C6: variants seen among roughly 807,000 people sequenced by gnomAD.
The protein encoded by C6 is complement component C6.
In C6, 101 loss-of-function variants were observed where a neutral mutation model predicts 112.9. The ratio of observed to expected loss-of-function variants is 0.89; its 90% confidence interval spans 0.76 to 1.06. The LOEUF is 1.06. Among genes scored for constraint, C6 ranks in the 50% least tolerant of loss-of-function variants. C6 has a pLI of 0.00. For missense variants in C6, 1,202 were observed against 1,104.6 expected (o/e 1.09, Z -1.25); for synonymous variants, 431 against 384.1 (o/e 1.12, Z -1.43).
chr5:41,240,123 C>G (rs1017167876), intron 1 of C6, among the ~76,000 whole-genome samples: 3 of 152,130 alleles, frequency 2.0e-5, no homozygotes, highest in African/African-American at 7.2e-5. Flanking sequence ...AAATCTCTTG[C>G]TAGGCTTGAA....
At chr5:41,244,959 T>G (rs779104332) in intron 1 of C6, among the ~76,000 whole-genome samples, 42 of 152,248 alleles carry the variant, frequency 2.8e-4, no homozygotes, top group Non-Finnish European at 5.7e-4. Context: ...TGTTGATTGA[T>G]TTTTTAATGT....
chr5:41,187,851 AC>A (rs528663877), intron 5 of C6, among the ~76,000 whole-genome samples: 223 of 152,228 alleles, frequency 1.5e-3, no homozygotes, highest in African/African-American at 5.1e-3. Context: ...AACAATACAT[AC>A]TATCTCTCCC....
At chr5:41,173,049 C>T (rs1183129605) in intron 8 of C6, among the ~76,000 whole-genome samples, 1 of 152,106 alleles carries the variant, frequency 6.6e-6, no homozygotes, top group African/African-American at 2.4e-5. Context: ...CATGTTAATT[C>T]AAGCCTGTAC....
In C6 at chr5:41,143,005, G is replaced by A. The variant is rs570299746; in HGVS notation, c.2625C>T (p.Ala875=). Residue 875 remains alanine (A), a splice_region_variant and synonymous_variant, in exon 18 of 18, where the codon GCC becomes GCT. Coordinates refer to ENST00000337836, the MANE Select transcript of C6 (RefSeq NM_000065.5). ...ATAGGCAGACACATTTGGAAGTGGA[G>A]GCTGTAATGAGAGAGAGAGAGACAG... ...DTCYDWEKCS[A]STSKCVCLLP... is the part of the protein sequence containing the mutation. 2 of 1,613,070 alleles carry A rather than the reference G, an allele frequency of 1.2e-6. No homozygotes were observed. The highest frequency in any genetic ancestry group is 2.2e-5 in the East Asian group (1 of 44,864).
intron 1 of C6, among the ~76,000 whole-genome samples, chr5:41,256,428 TTAAAAAAAAAAAAGTAAA>T (rs1186585529): frequency 8.4e-5 from 3 of 35,902 alleles, no homozygotes; most frequent in African/African-American, 1.7e-4. Flanking sequence ...TAAAGTATAA[TTAAAAAAAAAAAAGTAAA>T]AAAAAAAAAA....
intron 1 of C6, among the ~76,000 whole-genome samples, chr5:41,255,159 A>C (rs183561490): frequency 6.6e-6 from 1 of 152,092 alleles, no homozygotes; most frequent in Non-Finnish European, 1.5e-5. Context: ...GCAGGAGTTC[A>C]AGACCAGCCT....
chr5:41,194,624 A>G (rs1308456450), intron 5 of C6, among the ~76,000 whole-genome samples: 2 of 152,212 alleles, frequency 1.3e-5, no homozygotes, highest in Non-Finnish European at 2.9e-5. Flanking sequence ...AATATGAAGC[A>G]ATAGAAATTG....
At chr5:41,176,377 A>G in intron 8 of C6, 98 bp downstream of exon 8, 1 of 1,248,208 alleles carries the variant, frequency 8.0e-7, no homozygotes, top group Non-Finnish European at 1.1e-6. Flanking sequence ...CAGGATCTAA[A>G]TAAAGTCAAA....
chr5:41,217,477 C>T (rs917226127), upstream of C6, among the ~76,000 whole-genome samples: 1 of 152,096 alleles, frequency 6.6e-6, no homozygotes, highest in African/African-American at 2.4e-5. Context: ...TACAAATGTG[C>T]CCTTAGCTAA....
chr5:41,189,116 T>C (rs1310638485), intron 5 of C6, among the ~76,000 whole-genome samples: 1 of 152,068 alleles, frequency 6.6e-6, no homozygotes, highest in Non-Finnish European at 1.5e-5. Flanking sequence ...AACCAAAAGA[T>C]GAACAGAAAC....
intron 9 of C6, among the ~76,000 whole-genome samples, chr5:41,163,991 A>G (rs1182645767): frequency 6.6e-6 from 1 of 152,110 alleles, no homozygotes; most frequent in East Asian, 1.9e-4. Flanking sequence ...GCCCAGATAA[A>G]TATAAAATAT....
At chr5:41,209,138 G>A (rs1032625947) in intron 1 of C6, among the ~76,000 whole-genome samples, 4 of 152,168 alleles carry the variant, frequency 2.6e-5, no homozygotes, top group Non-Finnish European at 5.9e-5. Flanking sequence ...TATCTCAATA[G>A]ATGCAGAAAA....
chr5:41,229,135 CTT>C (rs1423587530), intron 1 of C6, among the ~76,000 whole-genome samples: 1 of 151,842 alleles, frequency 6.6e-6, no homozygotes, highest in Non-Finnish European at 1.5e-5. Flanking sequence ...AAAATCAACT[CTT>C]AATTTTATTG....
chr5:41,177,145 A>G (rs906641669), intron 7 of C6, among the ~76,000 whole-genome samples: 1 of 152,202 alleles, frequency 6.6e-6, no homozygotes, highest in African/African-American at 2.4e-5. Flanking sequence ...GTGAGATTCA[A>G]GTTACAGCTT....
intron 1 of C6, among the ~76,000 whole-genome samples, chr5:41,249,625 T>C (rs1268054684): frequency 6.6e-6 from 1 of 152,234 alleles, no homozygotes; most frequent in Non-Finnish European, 1.5e-5. Flanking sequence ...GAATATTGGC[T>C]AAATTGTTTT....
upstream of C6, among the ~76,000 whole-genome samples, chr5:41,214,518 T>C (rs1022453209): frequency 1.3e-5 from 2 of 152,098 alleles, no homozygotes; most frequent in Non-Finnish European, 2.9e-5. Context: ...TCTCTTATAC[T>C]ACATTGAGAT....
chr5:41,186,063 G>A lies in C6; in HGVS notation c.726+7C>T, dbSNP rs1749739653. Reference sequence around the variant, plus strand: ...GTTGGAGTTGCCACCATGCTAGGCTGTCATACCTCAAAGCCGACATTTTCC... The same window carrying A: ...GTTGGAGTTGCCACCATGCTAGGCTATCATACCTCAAAGCCGACATTTTCC... On this transcript the variant is annotated splice_region_variant and intron_variant, in intron 6 of 17. Coordinates refer to ENST00000337836, the MANE Select transcript of C6 (RefSeq NM_000065.5). 6.2e-7 allele frequency: 1 copy of A among 1,613,736 alleles called. No individual in the cohort carries two copies. The highest frequency in any genetic ancestry group is 1.3e-5 in the African/African-American group (1 of 74,906).
At chr5:41,205,138 T>C (rs2150374446) in intron 1 of C6, among the ~76,000 whole-genome samples, 1 of 152,088 alleles carries the variant, frequency 6.6e-6, no homozygotes, top group South Asian at 2.1e-4. Flanking sequence ...TCTGGGAGGG[T>C]AGAAAGAAAT....
intron 9 of C6, 109 bp downstream of exon 9, chr5:41,172,116 A>C: frequency 8.9e-7 from 1 of 1,126,282 alleles, no homozygotes; most frequent in Non-Finnish European, 1.4e-6. Flanking sequence ...AGGAAGAGAA[A>C]TGAAATAAAT....
Sources: gnomAD v4.1 joint callset for allele counts (sites outside exome capture counted in the v4.1 genomes callset) on GRCh38, gnomAD v4.1.1 for gene constraint, MANE v1.5 for transcripts, NCBI Gene and HGNC (gene_info 2026-07-23, HGNC 2026-07-21) for gene names.